RBFOX1: variants seen among roughly 807,000 people sequenced by gnomAD.
RBFOX1 encodes RNA binding fox-1 homolog 1.
Under a neutral mutation model 57.7 loss-of-function variants are expected in RBFOX1, and 8 were observed. The observed-to-expected ratio is 0.14, with a 90% CI of 0.08 to 0.25. The LOEUF is 0.25. Ranked by LOEUF, RBFOX1 falls within the 10% of genes least tolerant of loss-of-function variation. RBFOX1 has a pLI of 1.00. For synonymous variants in RBFOX1, 326 were observed against 222.4 expected (o/e 1.47, Z -4.15); for missense variants, 611 against 548.5 (o/e 1.11, Z -1.14).
intron 3 of RBFOX1, among the ~76,000 whole-genome samples, chr16:5,834,776 T>TGATA (rs140249212): frequency 0.031 from 4,634 of 147,736 alleles, 85 homozygotes; most frequent in African/African-American, 0.041. Flanking sequence ...CATGCACAGA[T>TGATA]GATAGATAGA....
intron 3 of RBFOX1, among the ~76,000 whole-genome samples, chr16:7,028,866 T>G (rs1036248005): frequency 1.3e-5 from 2 of 150,834 alleles, no homozygotes; most frequent in Non-Finnish European, 2.9e-5. Flanking sequence ...CGCTTGGATC[T>G]GAGTGGGAAT....
chr16:6,327,125 C>T (rs1175643797), intron 2 of RBFOX1, among the ~76,000 whole-genome samples: 1 of 152,198 alleles, frequency 6.6e-6, no homozygotes, highest in East Asian at 1.9e-4. Context: ...CTCCACTTTC[C>T]TCTGCAATCC....
chr16:7,085,785 C>A (rs1277963242), intron 4 of RBFOX1, among the ~76,000 whole-genome samples: 1 of 152,136 alleles, frequency 6.6e-6, no homozygotes, highest in Non-Finnish European at 1.5e-5. Flanking sequence ...GTGTTCAGAA[C>A]TTCTCCCAAG....
chr16:7,199,800 C>G (rs887814438), intron 4 of RBFOX1, among the ~76,000 whole-genome samples: 3 of 152,066 alleles, frequency 2.0e-5, no homozygotes, highest in African/African-American at 7.2e-5. Context: ...GAGGCTGAGA[C>G]CCAAGAATTG....
At chr16:7,017,486 A>C (rs374214085) in intron 3 of RBFOX1, among the ~76,000 whole-genome samples, 1 of 152,192 alleles carries the variant, frequency 6.6e-6, no homozygotes, top group Non-Finnish European at 1.5e-5. Context: ...TGCTTGTAAA[A>C]TATAGCCAGA....
chr16:5,375,381 G>C (rs1289633187), intron 1 of RBFOX1, among the ~76,000 whole-genome samples: 1 of 152,196 alleles, frequency 6.6e-6, no homozygotes, highest in Non-Finnish European at 1.5e-5. Flanking sequence ...CAGCCAAGGG[G>C]CATGGAGACT....
chr16:7,571,055 G>A (rs1292915443), intron 5 of RBFOX1, among the ~76,000 whole-genome samples: 1 of 152,108 alleles, frequency 6.6e-6, no homozygotes, highest in African/African-American at 2.4e-5. Flanking sequence ...ACACAGGGAG[G>A]GGAACAACAC....
At chr16:7,143,888 T>C (rs1038813473) in intron 4 of RBFOX1, among the ~76,000 whole-genome samples, 3 of 152,192 alleles carry the variant, frequency 2.0e-5, no homozygotes, top group African/African-American at 4.8e-5. Context: ...TACTACTATA[T>C]AGTCCCTAGG....
chr16:7,318,490 T>C (rs1276617228), intron 4 of RBFOX1, among the ~76,000 whole-genome samples: 1 of 152,182 alleles, frequency 6.6e-6, no homozygotes, highest in Non-Finnish European at 1.5e-5. Flanking sequence ...CTTTGCACCG[T>C]TGGGCAAATT....
intron 3 of RBFOX1, among the ~76,000 whole-genome samples, chr16:5,694,698 A>C (rs767856951): frequency 7.3e-5 from 11 of 151,248 alleles, no homozygotes; most frequent in African/African-American, 2.2e-4. Context: ...ACTGGCCCTG[A>C]CTCCCGATTT....
intron 5 of RBFOX1, among the ~76,000 whole-genome samples, chr16:7,562,396 TCC>T (rs1345918347): frequency 6.6e-6 from 1 of 152,042 alleles, no homozygotes. Flanking sequence ...TCTAAGGGTG[TCC>T]AGGAGGCCAA....
intron 1 of RBFOX1, among the ~76,000 whole-genome samples, chr16:5,293,824 A>G (rs921808107): frequency 1.3e-5 from 2 of 152,032 alleles, no homozygotes; most frequent in African/African-American, 4.8e-5. Flanking sequence ...GTTAATGAAA[A>G]TGTTTTGCAA....
intron 4 of RBFOX1, among the ~76,000 whole-genome samples, chr16:7,125,766 T>G (rs952558716): frequency 1.3e-5 from 2 of 152,142 alleles, no homozygotes; most frequent in African/African-American, 4.8e-5. Context: ...GCCAAGGATA[T>G]GACTGCAAAC....
At chr16:5,400,650 C>A (rs1157449716) in intron 1 of RBFOX1, among the ~76,000 whole-genome samples, 1 of 151,396 alleles carries the variant, frequency 6.6e-6, no homozygotes, top group South Asian at 2.1e-4. Flanking sequence ...TTTCCCCTTC[C>A]AGTTGGGCAT....
rs144400773 is a variant in RBFOX1, at chr16:6,724,548, C to T, written c.-16+69898C>T. 3.9e-3 allele frequency among the ~76,000 whole-genome samples: 589 copies of T among 152,130 alleles called. 4 individuals are homozygous for T. The highest frequency in any genetic ancestry group is 0.014 in the African/African-American group (563 of 41,494). Reference sequence around the variant, plus strand: ...CGAGGAAGCAGGCCCTCACCAGACACCAAATCTACCAGGATCTTGATCTTG... The same window carrying T: ...CGAGGAAGCAGGCCCTCACCAGACATCAAATCTACCAGGATCTTGATCTTG... On this transcript the variant is annotated intron_variant, in intron 3 of 15. Coordinates refer to ENST00000550418, the MANE Select transcript of RBFOX1 (RefSeq NM_018723.4).
chr16:5,243,922 A>T (rs928398722), intron 1 of RBFOX1, among the ~76,000 whole-genome samples: 1 of 151,772 alleles, frequency 6.6e-6, no homozygotes, highest in Non-Finnish European at 1.5e-5. Flanking sequence ...TTTAAGATGG[A>T]GTCTTACTCT....
intron 4 of RBFOX1, among the ~76,000 whole-genome samples, chr16:7,141,353 C>G (rs1307124746): frequency 6.6e-6 from 1 of 152,054 alleles, no homozygotes; most frequent in Admixed American, 6.5e-5. Flanking sequence ...TAATGCTGAC[C>G]AAGACAGATA....
chr16:5,509,764 A>G (rs947866931), intron 2 of RBFOX1, among the ~76,000 whole-genome samples: 1 of 152,192 alleles, frequency 6.6e-6, no homozygotes, highest in Non-Finnish European at 1.5e-5. Flanking sequence ...ATGGGCGCAT[A>G]CACAGGGGAG....
intron 4 of RBFOX1, among the ~76,000 whole-genome samples, chr16:7,357,992 G>A (rs370721389): frequency 5.3e-5 from 8 of 152,228 alleles, no homozygotes; most frequent in East Asian, 3.9e-4. Context: ...TGAGAATCAC[G>A]TTATCTTCCA....
Sources: gnomAD v4.1 joint callset for allele counts (sites outside exome capture counted in the v4.1 genomes callset) on GRCh38, gnomAD v4.1.1 for gene constraint, MANE v1.5 for transcripts, NCBI Gene and HGNC (gene_info 2026-07-23, HGNC 2026-07-21) for gene names.